FOXP2: variants seen among roughly 807,000 people sequenced by gnomAD.
FOXP2 encodes the protein forkhead box P2, also known as forkhead box protein P2.
A neutral mutation model predicts 115.8 loss-of-function variants in FOXP2; 12 were observed. The observed-to-expected ratio is 0.10, with a 90% CI of 0.07 to 0.17. FOXP2 has a LOEUF of 0.17. FOXP2 is among the 10% of genes least tolerant of loss of function. The probability of loss-of-function intolerance (pLI) is 1.00; values close to 1 mark genes in which losing one functional copy is unlikely to be tolerated. For synonymous variants in FOXP2, 328 were observed against 297.7 expected, an observed-to-expected ratio of 1.10 and a Z score of -1.05; for missense variants, 629 against 843.5, an observed-to-expected ratio of 0.75 and a Z score of 3.15.
At chr7:114,272,519 T>C (rs1262169447) in intron 1 of FOXP2, among the ~76,000 whole-genome samples, 2 of 151,934 alleles carry the variant, frequency 1.3e-5, no homozygotes, top group African/African-American at 4.8e-5. Context: ...TGGTGCTTTC[T>C]ATTTTGGGAG....
chr7:114,639,840 GTTGT>G, intron 6 of FOXP2, among the ~76,000 whole-genome samples: 1 of 152,248 alleles, frequency 6.6e-6, no homozygotes, highest in Middle Eastern at 3.4e-3. Flanking sequence ...TATATTAAAG[GTTGT>G]TTTTGTTTCT....
At chr7:114,665,979 G>A (rs1807142816) in intron 16 of FOXP2, 1 of 151,802 alleles carries the variant, frequency 6.6e-6, no homozygotes, top group South Asian at 2.1e-4. Flanking sequence ...ATGGGTATTG[G>A]TTTTCGTTTG....
chr7:114,489,423 G>C (rs913009989), intron 2 of FOXP2, among the ~76,000 whole-genome samples: 1 of 152,004 alleles, frequency 6.6e-6, no homozygotes. Context: ...GTTAGCCAGA[G>C]GTAGTCTGAA....
chr7:114,643,134 G>A (rs1805675035), intron 7 of FOXP2, among the ~76,000 whole-genome samples: 1 of 151,902 alleles, frequency 6.6e-6, no homozygotes, highest in Admixed American at 6.6e-5. Flanking sequence ...TTACAGAAAA[G>A]CAGTTCAAAT....
intron 3 of FOXP2, among the ~76,000 whole-genome samples, chr7:114,614,605 A>C (rs1803826714): frequency 6.6e-6 from 1 of 152,084 alleles, no homozygotes; most frequent in African/African-American, 2.4e-5. Flanking sequence ...TGTGTTCTCT[A>C]GAATTTTTAT....
chr7:114,290,501 A>C lies in FOXP2; in HGVS notation c.-11+2392A>C, dbSNP rs145031415. ...CATATATTTATAGAAAATTGCTATA[A>C]ATTTCATAAATACTTATTAAAGATT... is the stretch of plus-strand genomic sequence containing the variant. On this transcript the variant is annotated intron_variant, in intron 2 of 17. Coordinates refer to the FOXP2 transcript ENST00000634411. 2.6e-3 allele frequency among the ~76,000 whole-genome samples: 401 copies of C among 152,214 alleles called. 3 individuals are homozygous for C. Among genetic ancestry groups the C allele is most frequent in the African/African-American group, 9.3e-3 (386 of 41,550 alleles).
intron 2 of FOXP2, among the ~76,000 whole-genome samples, chr7:114,454,020 G>A (rs1401984029): frequency 6.6e-6 from 1 of 151,922 alleles, no homozygotes; most frequent in Non-Finnish European, 1.5e-5. Context: ...TGACAAATGG[G>A]ATCTAATTAA....
At chr7:114,558,925 A>G (rs937748019) in intron 3 of FOXP2, among the ~76,000 whole-genome samples, 1 of 152,172 alleles carries the variant, frequency 6.6e-6, no homozygotes, top group Non-Finnish European at 1.5e-5. Flanking sequence ...CAGAACTGAG[A>G]TGGCAATGTA....
In FOXP2 at chr7:114,383,162, A is replaced by G. The variant is rs140970187; in HGVS notation, c.-10-43340A>G. 6.9e-3 allele frequency among the ~76,000 whole-genome samples: 1,053 copies of G among 152,324 alleles called. 11 individuals are homozygous for G. Among genetic ancestry groups the G allele is most frequent in the African/African-American group, 0.024 (999 of 41,566 alleles). On this transcript the variant is annotated intron_variant, in intron 2 of 17. Coordinates refer to the FOXP2 transcript ENST00000634411. ...GTGTCTGATTTAGCAGTGATATTAT[A>G]TCTCTCCATGTCAGATTAAAGGATT...
intron 2 of FOXP2, among the ~76,000 whole-genome samples, chr7:114,505,593 T>G (rs1163215013): frequency 6.6e-6 from 1 of 151,258 alleles, no homozygotes; most frequent in South Asian, 2.1e-4. Flanking sequence ...AACACAAAAG[T>G]TTTTGTGCTG....
chr7:114,273,148 C>T (rs1004312873), intron 1 of FOXP2, among the ~76,000 whole-genome samples: 2 of 151,742 alleles, frequency 1.3e-5, no homozygotes, highest in African/African-American at 4.8e-5. Flanking sequence ...TTTTCATTTT[C>T]TCTATGTTCA....
intron 1 of FOXP2, among the ~76,000 whole-genome samples, chr7:114,241,865 A>G (rs1446749790): frequency 6.6e-6 from 1 of 151,708 alleles, no homozygotes; most frequent in Middle Eastern, 3.2e-3. Flanking sequence ...TATTTTCATT[A>G]CTGCTCTCCC....
At chr7:114,541,879 C>T (rs1799681330) in intron 3 of FOXP2, among the ~76,000 whole-genome samples, 1 of 151,524 alleles carries the variant, frequency 6.6e-6, no homozygotes, top group African/African-American at 2.4e-5. Context: ...AGAAATAGAA[C>T]ATTAATATTG....
chr7:114,394,579 A>G (rs1792694288), intron 2 of FOXP2, among the ~76,000 whole-genome samples: 1 of 152,198 alleles, frequency 6.6e-6, no homozygotes. Flanking sequence ...CACTTTAATC[A>G]AGTGATCAAA....
chr7:114,323,873 T>C (rs1010440049), intron 2 of FOXP2, among the ~76,000 whole-genome samples: 19 of 151,994 alleles, frequency 1.3e-4, no homozygotes, highest in African/African-American at 4.6e-4. Flanking sequence ...GACCAAAGTT[T>C]TATCACTTTC....
intron 2 of FOXP2, among the ~76,000 whole-genome samples, chr7:114,509,141 A>T (rs1414291956): frequency 6.6e-6 from 1 of 152,092 alleles, no homozygotes; most frequent in South Asian, 2.1e-4. Context: ...AGGGCATGAT[A>T]GTATGAAAGT....
At chr7:114,152,197 C>A (rs1461986723) in intron 1 of FOXP2, among the ~76,000 whole-genome samples, 6 of 152,028 alleles carry the variant, frequency 3.9e-5, no homozygotes, top group African/African-American at 7.2e-5. Context: ...GTATGTGTGG[C>A]ACAATGATGA....
At chr7:114,663,847 C>T (rs1807018169) in intron 15 of FOXP2, among the ~76,000 whole-genome samples, 1 of 152,112 alleles carries the variant, frequency 6.6e-6, no homozygotes, top group Non-Finnish European at 1.5e-5. Context: ...TGTTGGGGAA[C>T]ATGGTGCTTG....
chr7:114,655,623 T>C (rs1316207623), intron 10 of FOXP2, among the ~76,000 whole-genome samples: 1 of 152,142 alleles, frequency 6.6e-6, no homozygotes, highest in Non-Finnish European at 1.5e-5. Context: ...ATTTATACAC[T>C]GTACAAAAGA....
Sources: gnomAD v4.1 joint callset for allele counts (sites outside exome capture counted in the v4.1 genomes callset) on GRCh38, gnomAD v4.1.1 for gene constraint, MANE v1.5 for transcripts, NCBI Gene and HGNC (gene_info 2026-07-23, HGNC 2026-07-21) for gene names.